Variants in MAST2 observed in about 807,000 individuals in gnomAD.
The protein encoded by MAST2 is microtubule associated serine/threonine kinase 2.
In MAST2, 70 loss-of-function variants were observed where a neutral mutation model predicts 147.4. The ratio of observed to expected loss-of-function variants is 0.47; its 90% CI spans 0.39 to 0.58. The LOEUF (loss-of-function observed/expected upper bound fraction) is 0.58, where lower values mean the gene tolerates loss of function less well. Ranked by LOEUF, MAST2 falls within the 20% of genes least tolerant of loss-of-function variation. MAST2 has a pLI of 0.00. For synonymous variants in MAST2, 869 were observed against 896.8 expected, an observed-to-expected ratio of 0.97 and a Z score of 0.55; for missense variants, 2,080 against 2,302.3, an observed-to-expected ratio of 0.90 and a Z score of 1.98.
chr1:45,994,671 A>AGT (rs1191809190), intron 5 of MAST2, among the ~76,000 whole-genome samples: 1 of 152,038 alleles, frequency 6.6e-6, no homozygotes, highest in Non-Finnish European at 1.5e-5. Context: ...ATTAGCGTAA[A>AGT]GTATCAGGCC....
chr1:45,872,633 A>G (rs948642501), intron 3 of MAST2, among the ~76,000 whole-genome samples: 1 of 152,090 alleles, frequency 6.6e-6, no homozygotes, highest in African/African-American at 2.4e-5. Context: ...GGCATGCGCT[A>G]CCACGCCCTG....
At chr1:45,880,025 T>A (rs1363233789) in intron 3 of MAST2, among the ~76,000 whole-genome samples, 33 of 152,210 alleles carry the variant, frequency 2.2e-4, no homozygotes. Context: ...GAATGTAGCA[T>A]GGTATAATCA....
chr1:45,940,087 G>A (rs990931443), intron 4 of MAST2, among the ~76,000 whole-genome samples: 3 of 135,126 alleles, frequency 2.2e-5, no homozygotes, highest in Non-Finnish European at 4.6e-5. Flanking sequence ...CCCCACCCCG[G>A]GTTCAAGTGA....
At chr1:45,932,925 T>G (rs1655548954) in intron 4 of MAST2, among the ~76,000 whole-genome samples, 1 of 151,998 alleles carries the variant, frequency 6.6e-6, no homozygotes, top group African/African-American at 2.4e-5. Context: ...GAGCTTTTTC[T>G]CTAGGCAGCA....
chr1:46,018,673 G>T (rs992878709), intron 10 of MAST2, among the ~76,000 whole-genome samples: 1 of 152,068 alleles, frequency 6.6e-6, no homozygotes, highest in Non-Finnish European at 1.5e-5. Flanking sequence ...GTTAACAGTT[G>T]TCTTTCTATC....
intron 4 of MAST2, among the ~76,000 whole-genome samples, chr1:45,898,541 C>CT (rs1304521945): frequency 6.6e-6 from 1 of 152,008 alleles, no homozygotes; most frequent in Non-Finnish European, 1.5e-5. Context: ...TGTTTTTACT[C>CT]TGAGAATTTT....
At position 45,822,930 on chromosome 1, in the gene MAST2, C is replaced by G. The variant is rs141653938; in HGVS notation, c.178-1503C>G. On this transcript the variant is annotated intron_variant, in intron 1 of 28. Coordinates refer to ENST00000361297, the MANE Select transcript of MAST2 (RefSeq NM_015112.3). ...AAGTTCTATTTCCTGTTCCCCGTCT[C>G]ACTGCTCAGTCCTGCTACAGTTAGG... Among the ~76,000 whole-genome samples the G allele has an allele frequency of 7.6e-3, 1,152 of 152,314 alleles. 16 individuals are homozygous for G. Among genetic ancestry groups the G allele is most frequent in the African/African-American group, 0.026 (1,100 of 41,566 alleles).
chr1:45,870,458 T>C (rs1557851229), intron 3 of MAST2, among the ~76,000 whole-genome samples: 2 of 151,654 alleles, frequency 1.3e-5, no homozygotes, highest in Admixed American at 6.6e-5. Context: ...GTAAGGTATA[T>C]GTTTTTAAGA....
At chr1:45,836,635 T>C (rs1230657630) in intron 3 of MAST2, among the ~76,000 whole-genome samples, 1 of 152,184 alleles carries the variant, frequency 6.6e-6, no homozygotes, top group Non-Finnish European at 1.5e-5. Flanking sequence ...GCTGTAGTTT[T>C]GCATTTTCTA....
intron 10 of MAST2, among the ~76,000 whole-genome samples, chr1:46,011,362 T>C (rs951914094): frequency 2.6e-5 from 4 of 152,190 alleles, no homozygotes; most frequent in Non-Finnish European, 4.4e-5. Flanking sequence ...GTATGAGGCT[T>C]GCACAATGGG....
intron 4 of MAST2, chr1:45,913,920 G>A: frequency 1.7e-6 from 2 of 1,173,042 alleles, no homozygotes; most frequent in South Asian, 1.6e-5. Flanking sequence ...GCAGATGTCA[G>A]GAAAAAAAAC....
At chr1:45,979,080 G>A (rs1031001120) in intron 5 of MAST2, among the ~76,000 whole-genome samples, 1 of 152,114 alleles carries the variant, frequency 6.6e-6, no homozygotes, top group Non-Finnish European at 1.5e-5. Context: ...TATTTAGTTG[G>A]TAAAGCTATA....
chr1:45,925,814 C>T (rs1451909853), intron 4 of MAST2, among the ~76,000 whole-genome samples: 1 of 152,212 alleles, frequency 6.6e-6, no homozygotes, highest in Non-Finnish European at 1.5e-5. Context: ...TTTGCTTGAA[C>T]ATCTTCAGCA....
At chr1:45,940,914 T>C (rs1194069616) in intron 4 of MAST2, among the ~76,000 whole-genome samples, 1 of 152,200 alleles carries the variant, frequency 6.6e-6, no homozygotes, top group Non-Finnish European at 1.5e-5. Context: ...CCACCGCGCC[T>C]GGCCTATGAG....
chr1:45,864,518 G>C (rs918573692), intron 3 of MAST2, among the ~76,000 whole-genome samples: 1 of 152,160 alleles, frequency 6.6e-6, no homozygotes, highest in Non-Finnish European at 1.5e-5. Context: ...AAGGATGAAA[G>C]GAATTTTGCC....
At chr1:45,852,486 C>T (rs769468457) in intron 3 of MAST2, among the ~76,000 whole-genome samples, 12 of 151,722 alleles carry the variant, frequency 7.9e-5, no homozygotes, top group South Asian at 6.2e-4. Flanking sequence ...CTCAGCCTTC[C>T]GAGTAGCTGG....
At position 45,879,703 on chromosome 1, in the gene MAST2, G is replaced by A. The variant is rs190254419; in HGVS notation, c.469-2661G>A. ...TATGAAGAGCTCTTATAATTCAATA[G>A]TAAAAAGATAACTCAATTTTTAAAA... On this transcript the variant is annotated intron_variant, in intron 3 of 28. Coordinates refer to ENST00000361297, the MANE Select transcript of MAST2 (RefSeq NM_015112.3). Among the ~76,000 whole-genome samples, 17 of 151,558 alleles carry A rather than the reference G, an allele frequency of 1.1e-4. No homozygotes were observed. The East Asian group carries it at 3.3e-3, about 29-fold the overall frequency.
rs71587722 is a variant in MAST2, at chr1:45,888,663, C to CTTTT, written c.500+6301_500+6304dup. ...AGGCGTGAGCCACCGCGCGCGGCCT[C>CTTTT]TTTTTTTTTTTTTTTTTTTTTTTTT... On this transcript the variant is annotated intron_variant, in intron 4 of 28. Coordinates refer to ENST00000361297, the MANE Select transcript of MAST2 (RefSeq NM_015112.3). 2.9e-4 allele frequency among the ~76,000 whole-genome samples: 14 copies of CTTTT among 48,724 alleles called. 1 individual carries two copies. Among genetic ancestry groups the CTTTT allele is most frequent in the South Asian group, 7.0e-4 (1 of 1,428 alleles). 32.0% of individuals were successfully genotyped at this position (48,724 alleles called of 152,430 possible).
At chr1:45,962,714 TA>T (rs1557971101) in intron 5 of MAST2, among the ~76,000 whole-genome samples, 1 of 152,252 alleles carries the variant, frequency 6.6e-6, no homozygotes, top group African/African-American at 2.4e-5. Context: ...TCTCCCATTC[TA>T]TAGGTTGCCT....
Sources: allele counts gnomAD v4.1 joint callset (sites outside exome capture counted in the v4.1 genomes callset), GRCh38; gene constraint gnomAD v4.1.1; transcripts MANE v1.5; gene names NCBI Gene and HGNC (gene_info 2026-07-23, HGNC 2026-07-21).